The following ZNF407 variants were observed in gnomAD, a reference collection of about 807,000 sequenced individuals.
ZNF407 encodes the protein zinc finger protein 407.
A neutral mutation model predicts 131.2 loss-of-function variants in ZNF407; 17 were observed. The ratio of observed to expected loss-of-function variants is 0.13; its 90% CI spans 0.09 to 0.19. ZNF407 has a LOEUF of 0.19. Among genes scored for constraint, ZNF407 ranks in the 10% least tolerant of loss-of-function variants. The pLI, the probability that ZNF407 is intolerant of heterozygous loss-of-function variation, is 1.00. For synonymous variants in ZNF407, 1,156 were observed against 1,062.0 expected (o/e 1.09, Z -1.72); for missense variants, 2,681 against 2,830.6 (o/e 0.95, Z 1.20).
chr18:74,913,806 A>G (rs760121685), intron 7 of ZNF407, among the ~76,000 whole-genome samples: 2 of 152,184 alleles, frequency 1.3e-5, no homozygotes, highest in African/African-American at 2.4e-5. Context: ...TTTTGTGTCC[A>G]TAGGTCATAA....
chr18:74,926,420 A>G (rs968415715), intron 8 of ZNF407, among the ~76,000 whole-genome samples: 1 of 152,254 alleles, frequency 6.6e-6, no homozygotes, highest in Non-Finnish European at 1.5e-5. Flanking sequence ...TTTACTGAGA[A>G]GCAGATCTTT....
intron 1 of ZNF407, among the ~76,000 whole-genome samples, chr18:74,623,021 GGT>G (rs1178442314): frequency 1.5e-5 from 2 of 129,636 alleles, no homozygotes; most frequent in East Asian, 2.0e-4. Context: ...AATGTGAGTT[GGT>G]GTGTGAGTGC....
intron 4 of ZNF407, among the ~76,000 whole-genome samples, chr18:74,864,220 C>G (rs1354141846): frequency 6.6e-6 from 1 of 152,152 alleles, no homozygotes. Context: ...AGAGGCATAA[C>G]CTTTGGTAAC....
intron 3 of ZNF407, among the ~76,000 whole-genome samples, chr18:74,660,348 C>T (rs1332811332): frequency 2.0e-5 from 3 of 151,978 alleles, no homozygotes; most frequent in African/African-American, 7.2e-5. Context: ...CCTAAAACTG[C>T]CTTGAAGTCA....
Position 74,745,005 on chromosome 18 carries a change from C to T in ZNF407, c.4803-36423C>T, listed in dbSNP as rs568810640. 2.6e-5 allele frequency among the ~76,000 whole-genome samples: 4 copies of T among 152,076 alleles called. No individual in the cohort carries two copies. In the East Asian group the frequency reaches 7.8e-4, roughly 30 times the overall value. ...TCGAGTAGGGAATAATGATATTACT[C>T]AGCATTTCTTAGAGAATAGGCAATG... On this transcript the variant is annotated intron_variant, in intron 3 of 8. Coordinates refer to ENST00000299687, the MANE Select transcript of ZNF407 (RefSeq NM_017757.3).
intron 3 of ZNF407, among the ~76,000 whole-genome samples, chr18:74,770,474 T>C (rs1969337661): frequency 6.6e-6 from 1 of 152,180 alleles, no homozygotes; most frequent in Non-Finnish European, 1.5e-5. Flanking sequence ...AGCTTGGCAG[T>C]CTCCCTCTTT....
At chr18:75,000,475 T>G (rs1357711081) in intron 8 of ZNF407, among the ~76,000 whole-genome samples, 3 of 152,246 alleles carry the variant, frequency 2.0e-5, no homozygotes, top group African/African-American at 7.2e-5. Context: ...GATCTCTTTT[T>G]CTTGGTGCTC....
intron 3 of ZNF407, among the ~76,000 whole-genome samples, chr18:74,696,512 C>G (rs1185019905): frequency 1.3e-5 from 2 of 152,096 alleles, no homozygotes; most frequent in African/African-American, 4.8e-5. Flanking sequence ...GGAGCAATGA[C>G]TGTATTATAG....
At chr18:75,034,407 C>T (rs1169715644) in intron 8 of ZNF407, among the ~76,000 whole-genome samples, 1 of 151,074 alleles carries the variant, frequency 6.6e-6, no homozygotes, top group Non-Finnish European at 1.5e-5. Context: ...GGGTTCATGC[C>T]ATTCTCCTGC....
chr18:74,941,242 G>A (rs1244630879), intron 8 of ZNF407, among the ~76,000 whole-genome samples: 1 of 152,224 alleles, frequency 6.6e-6, no homozygotes, highest in African/African-American at 2.4e-5. Context: ...CTCATGGCCT[G>A]CTGATCCAGA....
chr18:74,809,773 G>A (rs755313383), intron 4 of ZNF407, among the ~76,000 whole-genome samples: 4 of 152,130 alleles, frequency 2.6e-5, no homozygotes, highest in Non-Finnish European at 5.9e-5. Context: ...CCATTAGAGT[G>A]TATGGAGGTC....
At chr18:74,948,322 G>C (rs573540362) in intron 8 of ZNF407, among the ~76,000 whole-genome samples, 8 of 152,258 alleles carry the variant, frequency 5.3e-5, no homozygotes, top group Admixed American at 2.6e-4. Context: ...GTTAATACAA[G>C]TTGTCCACTG....
intron 4 of ZNF407, among the ~76,000 whole-genome samples, chr18:74,833,493 T>G (rs757107981): frequency 6.7e-4 from 102 of 152,116 alleles, no homozygotes; most frequent in Non-Finnish European, 6.0e-4. Flanking sequence ...GATGCAAAGG[T>G]GCCAGCACTG....
Position 74,614,236 on chromosome 18 carries a change from C to G in ZNF407, c.-54+16299C>G, listed in dbSNP as rs1457120165. Among the ~76,000 whole-genome samples the G allele has an allele frequency of 2.0e-5, 3 of 152,186 alleles. No individual in the cohort carries two copies. In the East Asian group the frequency reaches 5.8e-4, roughly 29 times the overall value. On this transcript the variant is annotated intron_variant, in intron 1 of 8. Transcript: ENST00000299687. The stretch of plus-strand genomic sequence containing the variant: ...AAATTACAGTTTCCAAAAAGGGGAT[C>G]AAATAATTTTTATTAAGAATCTTCA...
rs144498783 is a variant in ZNF407 at position 74,692,182 on chromosome 18, C to T, written c.4802+51060C>T. Among the ~76,000 whole-genome samples, 9 of 151,998 alleles carry T rather than the reference C, an allele frequency of 5.9e-5. No homozygotes were observed. The East Asian group carries it at 1.5e-3, about 26-fold the overall frequency. Reference sequence around the variant, plus strand: ...ACATATATATATGCCTGATGATGGCCGTATCTCTTCTTCAGTCAAGGCCAT... The same window carrying T: ...ACATATATATATGCCTGATGATGGCTGTATCTCTTCTTCAGTCAAGGCCAT... On this transcript the variant is annotated intron_variant, in intron 3 of 8. Coordinates refer to ENST00000299687, the MANE Select transcript of ZNF407 (RefSeq NM_017757.3).
intron 3 of ZNF407, among the ~76,000 whole-genome samples, chr18:74,756,770 G>T (rs1419511008): frequency 6.6e-6 from 1 of 151,974 alleles, no homozygotes; most frequent in African/African-American, 2.4e-5. Flanking sequence ...TCATTCAGTT[G>T]CTTTACTTGT....
Position 74,824,425 on chromosome 18 carries a change from G to A in ZNF407, c.4877+42923G>A, listed in dbSNP as rs1279777578. ...TTCAAAACAATCAATGAATTCAGGAGCTGGTTTTTTGAAAAGATCAACAAA... is the reference window on the plus strand; with the variant it reads ...TTCAAAACAATCAATGAATTCAGGAACTGGTTTTTTGAAAAGATCAACAAA... On this transcript the variant is annotated intron_variant, in intron 4 of 8. Coordinates refer to ENST00000299687, the MANE Select transcript of ZNF407 (RefSeq NM_017757.3). Among the ~76,000 whole-genome samples, 4 of 152,216 alleles carry A rather than the reference G, an allele frequency of 2.6e-5. No homozygotes were observed. In the South Asian group the frequency reaches 8.3e-4, roughly 32 times the overall value.
intron 1 of ZNF407, among the ~76,000 whole-genome samples, chr18:74,616,709 C>T (rs1229754522): frequency 3.3e-5 from 5 of 151,874 alleles, no homozygotes; most frequent in African/African-American, 7.3e-5. Context: ...GTTGTTTCCT[C>T]TCACTCTTGC....
Position 75,049,109 on chromosome 18 carries a change from G to C in ZNF407, c.5429-14041G>C, listed in dbSNP as rs868626540. Among the ~76,000 whole-genome samples the C allele has an allele frequency of 1.2e-3, 132 of 107,816 alleles. 1 individual carries two copies. The highest frequency in any genetic ancestry group is 1.8e-3 in the Non-Finnish European group (88 of 48,716). 70.7% of individuals were successfully genotyped at this position (107,816 alleles called of 152,430 possible). A position where few individuals can be genotyped will look rare whatever the true frequency, so the allele number is the denominator to read the frequency against. On this transcript the variant is annotated intron_variant, in intron 8 of 8. Coordinates refer to ENST00000299687, the MANE Select transcript of ZNF407 (RefSeq NM_017757.3). Reference sequence around the variant, plus strand: ...GTATTTTTTTTTTTTGGGTGGGGGGGGGGTGGGGGAGTTGTTCGTCATGAT... The same window carrying C: ...GTATTTTTTTTTTTTGGGTGGGGGGCGGGTGGGGGAGTTGTTCGTCATGAT...
Sources: gnomAD v4.1 joint callset for allele counts (sites outside exome capture counted in the v4.1 genomes callset) on GRCh38, gnomAD v4.1.1 for gene constraint, MANE v1.5 for transcripts, NCBI Gene and HGNC (gene_info 2026-07-23, HGNC 2026-07-21) for gene names.